ARNT2: variants seen among roughly 807,000 people sequenced by gnomAD.
The protein encoded by ARNT2 is aryl hydrocarbon receptor nuclear translocator 2, also known as ARNT protein 2.
ARNT2 carries 36 observed loss-of-function variants against 91.7 expected under a neutral mutation model. That is an observed-to-expected ratio of 0.39 (90% CI 0.30 to 0.52). The LOEUF (loss-of-function observed/expected upper bound fraction) is 0.52. ARNT2 is among the 20% of genes least tolerant of loss of function. The pLI is 0.72. For synonymous variants in ARNT2, 365 were observed against 347.1 expected, an observed-to-expected ratio of 1.05 and a Z score of -0.57; for missense variants, 775 against 939.3, an observed-to-expected ratio of 0.83 and a Z score of 2.29.
At chr15:80,431,637 A>T (rs1488500316) in intron 1 of ARNT2, among the ~76,000 whole-genome samples, 1 of 151,948 alleles carries the variant, frequency 6.6e-6, no homozygotes, top group East Asian at 1.9e-4. Flanking sequence ...TCCTCTCGTG[A>T]TTGTCTGTTC....
chr15:80,417,006 G>T (rs1434203402), intron 1 of ARNT2, among the ~76,000 whole-genome samples: 4 of 151,792 alleles, frequency 2.6e-5, no homozygotes, highest in Non-Finnish European at 4.4e-5. Context: ...GGTCCCAGGG[G>T]TTTTTTAAAA....
At chr15:80,542,782 G>A (rs529557401) in intron 8 of ARNT2, among the ~76,000 whole-genome samples, 2 of 152,264 alleles carry the variant, frequency 1.3e-5, no homozygotes, top group South Asian at 4.1e-4. Context: ...GGACTGAGAA[G>A]AACATCATTT....
intron 1 of ARNT2, among the ~76,000 whole-genome samples, chr15:80,408,947 A>G (rs1181641269): frequency 2.0e-5 from 3 of 152,192 alleles, no homozygotes; most frequent in Non-Finnish European, 2.9e-5. Context: ...GTTCACAGCA[A>G]AATTGAAAGG....
At chr15:80,506,001 A>G (rs1396937007) in intron 5 of ARNT2, among the ~76,000 whole-genome samples, 1 of 141,312 alleles carries the variant, frequency 7.1e-6, no homozygotes, top group African/African-American at 2.7e-5. Context: ...CAGTGGCGCA[A>G]TCTCGGCTCA....
At chr15:80,498,721 A>G (rs1209942615) in intron 5 of ARNT2, among the ~76,000 whole-genome samples, 1 of 152,254 alleles carries the variant, frequency 6.6e-6, no homozygotes, top group Non-Finnish European at 1.5e-5. Flanking sequence ...TACACAGAAA[A>G]GAACTACACA....
At chr15:80,464,941 G>A (rs1462089193) in intron 3 of ARNT2, among the ~76,000 whole-genome samples, 1 of 152,184 alleles carries the variant, frequency 6.6e-6, no homozygotes, top group African/African-American at 2.4e-5. Flanking sequence ...TTGGTCTGAT[G>A]ACTCCCCCAG....
chr15:80,584,950 G>A (rs772961662), intron 17 of ARNT2, among the ~76,000 whole-genome samples: 5 of 152,352 alleles, frequency 3.3e-5, no homozygotes, highest in Middle Eastern at 3.4e-3. Context: ...GACAAGCATA[G>A]CATGTCACTT....
chr15:80,450,545 G>A (rs771999507), intron 1 of ARNT2, among the ~76,000 whole-genome samples: 7 of 152,210 alleles, frequency 4.6e-5, no homozygotes, highest in Non-Finnish European at 7.3e-5. Flanking sequence ...TGTGCTGCTC[G>A]GATTCCTCTG....
intron 5 of ARNT2, among the ~76,000 whole-genome samples, chr15:80,481,700 G>A (rs981389890): frequency 3.9e-5 from 6 of 152,048 alleles, no homozygotes; most frequent in Non-Finnish European, 2.9e-5. Flanking sequence ...GTGACAGAGC[G>A]AGACCCTGTC....
intron 1 of ARNT2, among the ~76,000 whole-genome samples, chr15:80,435,550 C>G (rs141087092): frequency 6.6e-6 from 1 of 152,162 alleles, no homozygotes; most frequent in Admixed American, 6.5e-5. Context: ...CTGCCCCCCT[C>G]CCATGCACAT....
intron 4 of ARNT2, among the ~76,000 whole-genome samples, chr15:80,472,555 G>C (rs1243226306): frequency 6.6e-6 from 1 of 152,190 alleles, no homozygotes; most frequent in East Asian, 1.9e-4. Flanking sequence ...TCACCTATTT[G>C]ATCCCTTTCT....
At chr15:80,505,927 G>GTTTTTTTTTTTTTTTTTTTTTTT (rs1161520898) in intron 5 of ARNT2, among the ~76,000 whole-genome samples, 3 of 88,930 alleles carry the variant, frequency 3.4e-5, no homozygotes, top group African/African-American at 1.3e-4. Context: ...AACATTTGTT[G>GTTTTTTTTTTTTTTTTTTTTTTT]TTTTTTTTTT....
chr15:80,507,718 C>T (rs767583369), intron 5 of ARNT2, among the ~76,000 whole-genome samples: 7 of 152,108 alleles, frequency 4.6e-5, no homozygotes, highest in Non-Finnish European at 7.3e-5. Context: ...GCGCTCTGTC[C>T]GAAGCCAGGG....
chr15:80,569,369 TGTCA>T (rs1331754982), intron 12 of ARNT2, among the ~76,000 whole-genome samples: 1 of 152,252 alleles, frequency 6.6e-6, no homozygotes, highest in Non-Finnish European at 1.5e-5. Context: ...TCGCATGTGC[TGTCA>T]GTCAGTTTTC....
At chr15:80,503,092 C>G (rs1897222825) in intron 5 of ARNT2, among the ~76,000 whole-genome samples, 1 of 152,154 alleles carries the variant, frequency 6.6e-6, no homozygotes, top group African/African-American at 2.4e-5. Flanking sequence ...TAAGCAGAAC[C>G]CAGGCTTCTG....
chr15:80,405,271 AG>A (rs1567171418), intron 1 of ARNT2, among the ~76,000 whole-genome samples: 1 of 152,226 alleles, frequency 6.6e-6, no homozygotes, highest in African/African-American at 2.4e-5. Flanking sequence ...GTATTGTAGT[AG>A]GGAAGTTCCG....
rs535746712 is a variant in ARNT2, at chr15:80,407,025, G to A, written c.31+2479G>A. On this transcript the variant is annotated intron_variant, in intron 1 of 18. Coordinates refer to ENST00000303329, the MANE Select transcript of ARNT2 (RefSeq NM_014862.4). ...AAAAAGAGCCATGGTACCCAAGCTT[G>A]TCACCCAGAGCCTACCTCACATGGG... Among the ~76,000 whole-genome samples, 5 of 152,266 alleles carry A rather than the reference G, an allele frequency of 3.3e-5. No individual in the cohort carries two copies. The South Asian group carries it at 1.0e-3, about 32-fold the overall frequency.
chr15:80,531,530 G>GAAGCTCTCCCTTCCGAC (rs1265179017), intron 8 of ARNT2, among the ~76,000 whole-genome samples: 3 of 152,206 alleles, frequency 2.0e-5, no homozygotes, highest in African/African-American at 7.2e-5. Flanking sequence ...TTCCTGCCAG[G>GAAGCTCTCCCTTCCGAC]AAGCTCTCCC....
chr15:80,593,796 G>T lies in ARNT2; in HGVS notation c.*98G>T, dbSNP rs1032015115. The T allele has an allele frequency of 1.7e-6, 2 of 1,143,956 alleles. No homozygotes were observed. Among genetic ancestry groups the T allele is most frequent in the Non-Finnish European group, 2.5e-6 (2 of 796,758 alleles). 70.9% of individuals were successfully genotyped at this position (1,143,956 alleles called of 1,614,324 possible). ...CCACCCTCGCCCTGCTTGCCCTGCCGCAGGCCCCCCACCAGAAGCCATCTC... is the reference window on the plus strand; with the variant it reads ...CCACCCTCGCCCTGCTTGCCCTGCCTCAGGCCCCCCACCAGAAGCCATCTC... On this transcript the variant is annotated 3_prime_UTR_variant, in exon 19 of 19. Coordinates refer to ENST00000303329, the MANE Select transcript of ARNT2 (RefSeq NM_014862.4).
Sources: allele counts gnomAD v4.1 joint callset (sites outside exome capture counted in the v4.1 genomes callset), GRCh38; gene constraint gnomAD v4.1.1; transcripts MANE v1.5; gene names NCBI Gene and HGNC (gene_info 2026-07-23, HGNC 2026-07-21).